The following EVL variants were observed in gnomAD, a reference collection of about 807,000 sequenced individuals.
EVL encodes ena/VASP-like protein.
EVL carries 21 observed loss-of-function variants against 59.6 expected under a neutral mutation model. That is an observed-to-expected ratio of 0.35 (90% confidence interval 0.25 to 0.51). EVL has a LOEUF of 0.51. EVL is among the 20% of genes least tolerant of loss of function. The probability of loss-of-function intolerance (pLI) is 0.97; values close to 1 mark genes in which losing one functional copy is unlikely to be tolerated. For synonymous variants in EVL, 198 were observed against 203.5 expected, an observed-to-expected ratio of 0.97 and a Z score of 0.23; for missense variants, 462 against 546.6, an observed-to-expected ratio of 0.85 and a Z score of 1.54.
intron 3 of EVL, among the ~76,000 whole-genome samples, chr14:100,110,892 T>A (rs558152297): frequency 6.6e-6 from 1 of 152,172 alleles, no homozygotes; most frequent in South Asian, 2.1e-4. Context: ...CCAGTCAGGG[T>A]TTGAGATAGG....
chr14:100,078,480 G>C (rs2062214995), intron 1 of EVL, among the ~76,000 whole-genome samples: 1 of 149,578 alleles, frequency 6.7e-6, no homozygotes, highest in Non-Finnish European at 1.5e-5. Context: ...ATTGGAGCTG[G>C]AAGTGGAAAG....
chr14:100,135,920 T>G lies in EVL; in HGVS notation c.916T>G (p.Ser306Ala), dbSNP rs1448745947. 1 of 1,613,556 alleles carries G rather than the reference T, an allele frequency of 6.2e-7. No individual in the cohort carries two copies. The highest frequency in any genetic ancestry group is 1.7e-5 in the Admixed American group (1 of 59,992). Residue 306 changes from serine to alanine, a missense_variant, in exon 9 of 14, where the codon TCC (serine) becomes GCC (alanine). Coordinates refer to ENST00000392920, the MANE Select transcript of EVL (RefSeq NM_016337.3). ...DESQMEDPST[S>A]PSPGTRAASQ... ...TCCATTTTAGGAAGATCCTAGTACC[T>G]CCCCCTCTCCGGGGACCCGAGCAGC...
chr14:100,056,695 G>A (rs2061739281), intron 1 of EVL, among the ~76,000 whole-genome samples: 1 of 152,176 alleles, frequency 6.6e-6, no homozygotes, highest in African/African-American at 2.4e-5. Context: ...AGTGTGGTTG[G>A]AAGGGAGTAC....
intron 3 of EVL, 139 bp from the exon 4 acceptor site, chr14:100,123,400 T>C: frequency 1.3e-6 from 1 of 748,960 alleles, no homozygotes; most frequent in Non-Finnish European, 2.3e-6. Context: ...CAGGTGTGAG[T>C]GAGGCCAACA....
intron 1 of EVL, among the ~76,000 whole-genome samples, chr14:100,009,710 C>T (rs138929279): frequency 1.6e-3 from 251 of 152,244 alleles, no homozygotes; most frequent in African/African-American, 5.9e-3. Flanking sequence ...GTGACCATGG[C>T]CTATGACACA....
chr14:100,118,877 G>A (rs72711952), intron 3 of EVL, among the ~76,000 whole-genome samples: 1,566 of 152,344 alleles, frequency 0.01, 11 homozygotes, highest in Non-Finnish European at 0.017. Context: ...ACTTAGACTC[G>A]AAGCTGGAAA....
rs1595268965 is a variant in EVL at position 100,143,640 on chromosome 14, G to A, written c.1220-61G>A. ...GTCCACGCCAGGGGTGCGGGGCCCT[G>A]ATGAGGAACCGGGCTGCACTGGTCA... is the stretch of plus-strand genomic sequence containing the variant. On this transcript the variant is annotated intron_variant, in intron 13 of 13. Transcript: ENST00000392920. 5 of 1,604,282 alleles carry A rather than the reference G, an allele frequency of 3.1e-6. No individual in the cohort carries two copies. In the East Asian group the frequency reaches 8.9e-5, roughly 29 times the overall value.
intron 1 of EVL, among the ~76,000 whole-genome samples, chr14:100,029,821 A>G (rs74084444): frequency 0.053 from 8,081 of 152,138 alleles, 769 homozygotes; most frequent in African/African-American, 0.19. Flanking sequence ...CTGTCTTCTC[A>G]GGGTATAACC....
At chr14:100,071,344 A>C (rs2062044684) in intron 1 of EVL, among the ~76,000 whole-genome samples, 3 of 152,214 alleles carry the variant, frequency 2.0e-5, no homozygotes, top group Admixed American at 1.3e-4. Flanking sequence ...CTCAAAATGT[A>C]CTCCAGAGAT....
intron 3 of EVL, among the ~76,000 whole-genome samples, chr14:100,100,867 A>C (rs1396484346): frequency 6.6e-6 from 1 of 152,104 alleles, no homozygotes; most frequent in Admixed American, 6.5e-5. Context: ...AGGACCATGC[A>C]AAGATGTGCC....
chr14:100,082,212 A>G (rs2062326926), intron 1 of EVL, among the ~76,000 whole-genome samples: 1 of 151,338 alleles, frequency 6.6e-6, no homozygotes, highest in South Asian at 2.1e-4. Context: ...AAGGTTTATA[A>G]TTACTCATCT....
intron 2 of EVL, among the ~76,000 whole-genome samples, chr14:100,096,666 A>G (rs1595170998): frequency 6.6e-6 from 1 of 152,216 alleles, no homozygotes; most frequent in Admixed American, 6.5e-5. Flanking sequence ...CCAGGGCACG[A>G]CTTAGGAATA....
chr14:100,056,658 C>A (rs1238448349), intron 1 of EVL, among the ~76,000 whole-genome samples: 2 of 152,160 alleles, frequency 1.3e-5, no homozygotes, highest in East Asian at 1.9e-4. Context: ...ATGTGGTCTA[C>A]TTCTGCTGCG....
chr14:100,072,861 T>G (rs1412083732), intron 1 of EVL, among the ~76,000 whole-genome samples: 1 of 152,206 alleles, frequency 6.6e-6, no homozygotes, highest in Non-Finnish European at 1.5e-5. Context: ...TTTTGCTGCG[T>G]CGCCAGGTGG....
In EVL at chr14:100,128,716, A is replaced by G. The variant is rs1251894479; in HGVS notation, c.685A>G (p.Ile229Val). 6.2e-7 allele frequency: 1 copy of G among 1,604,414 alleles called. No individual in the cohort carries two copies. The highest frequency in any genetic ancestry group is 1.1e-5 in the South Asian group (1 of 90,764). ...ESSMSGLAAA[I>V]AGAKLRRVQR... ...CTCCATGTCAGGACTGGCCGCTGCC[A>G]TAGCTGGGGCCAAGCTGAGAAGAGT... Residue 229 changes from isoleucine to valine, a missense_variant, in exon 6 of 14, where the codon ATA becomes GTA. Physicochemically the swap from Ile to Val is conservative, Grantham distance 29 (BLOSUM62 3). Coordinates refer to ENST00000392920, the MANE Select transcript of EVL (RefSeq NM_016337.3).
At chr14:100,071,786 A>T (rs982969730) in intron 1 of EVL, among the ~76,000 whole-genome samples, 1 of 152,180 alleles carries the variant, frequency 6.6e-6, no homozygotes, top group East Asian at 1.9e-4. Flanking sequence ...AGGAGGATGC[A>T]GGCGTCACTT....
chr14:100,143,740 G>A lies in EVL; in HGVS notation c.*2G>A. The stretch of plus-strand genomic sequence containing the variant: ...CTGAGTGGGATCAGCACCACGTAAG[G>A]GGCCGGCCTCGCTGCGCTGATTCGT... On this transcript the variant is annotated 3_prime_UTR_variant, in exon 14 of 14. Coordinates refer to ENST00000392920, the MANE Select transcript of EVL (RefSeq NM_016337.3). 6.2e-7 allele frequency: 1 copy of A among 1,612,328 alleles called. No homozygotes were observed. Among genetic ancestry groups the A allele is most frequent in the Non-Finnish European group, 8.5e-7 (1 of 1,179,824 alleles).
intron 1 of EVL, among the ~76,000 whole-genome samples, chr14:100,038,568 T>C (rs766414004): frequency 9.9e-5 from 15 of 152,232 alleles, no homozygotes; most frequent in Non-Finnish European, 2.1e-4. Context: ...CACTTGTCCC[T>C]TTGTGCCATT....
intron 1 of EVL, among the ~76,000 whole-genome samples, chr14:99,997,317 G>A (rs534363889): frequency 9.2e-5 from 14 of 152,268 alleles, no homozygotes; most frequent in Non-Finnish European, 1.9e-4. Context: ...GGTGTTTAAT[G>A]ATCACAATTC....
Sources: allele counts gnomAD v4.1 joint callset (sites outside exome capture counted in the v4.1 genomes callset), GRCh38; gene constraint gnomAD v4.1.1; transcripts MANE v1.5; gene names NCBI Gene and HGNC (gene_info 2026-07-23, HGNC 2026-07-21).